The following PELO variants were observed in gnomAD, a reference collection of about 807,000 sequenced individuals.
The protein encoded by PELO is protein pelota homolog.
Under a neutral mutation model 25.9 loss-of-function variants are expected in PELO, and 19 were observed. The ratio of observed to expected loss-of-function variants is 0.73; its 90% CI spans 0.51 to 1.08. PELO has a LOEUF of 1.08. PELO is among the 50% of genes least tolerant of loss of function. The probability of loss-of-function intolerance (pLI) is 0.00; values close to 1 mark genes in which losing one functional copy is unlikely to be tolerated. For missense variants in PELO, 498 were observed against 491.4 expected (o/e 1.01, Z -0.13); for synonymous variants, 196 against 192.2 (o/e 1.02, Z -0.16).
chr5:52,788,119 G>A lies in PELO; in HGVS notation c.-806G>A. ...AGATTTCAGAGACCAAGAGCGCGAA[G>A]GGGCGGGCGATGTGGCAATCCGTCT... On this transcript the variant is annotated 5_prime_UTR_variant, in exon 1 of 3. Coordinates refer to ENST00000274311, the MANE Select transcript of PELO (RefSeq NM_015946.5). 2.3e-6 allele frequency: 1 copy of A among 430,858 alleles called. No homozygotes were observed. Among genetic ancestry groups the A allele is most frequent in the Non-Finnish European group, 4.1e-6 (1 of 242,116 alleles). 26.7% of individuals were successfully genotyped at this position (430,858 alleles called of 1,614,324 possible). A position where few individuals can be genotyped will look rare whatever the true frequency, so the allele number is the denominator to read the frequency against.
intron 1 of PELO, among the ~76,000 whole-genome samples, chr5:52,789,553 A>G (rs1377488927): frequency 6.6e-6 from 1 of 152,184 alleles, no homozygotes; most frequent in African/African-American, 2.4e-5. Context: ...AAGAGAGTTA[A>G]TAATTAGCTA....
intron 1 of PELO, among the ~76,000 whole-genome samples, chr5:52,794,223 A>C (rs1348009020): frequency 6.6e-6 from 1 of 151,942 alleles, no homozygotes; most frequent in African/African-American, 2.4e-5. Context: ...TCCTAAAATA[A>C]ATGCAAATTC....
chr5:52,789,089 G>A (rs1748187645), intron 1 of PELO, among the ~76,000 whole-genome samples: 1 of 152,174 alleles, frequency 6.6e-6, no homozygotes, highest in Non-Finnish European at 1.5e-5. Flanking sequence ...GTATTTTTAA[G>A]GAGGGGACTT....
chr5:52,803,352 T>G lies in PELO; in HGVS notation c.*1512T>G, dbSNP rs1424526269. 1 of 152,196 alleles carries G rather than the reference T, an allele frequency of 6.6e-6. No homozygotes were observed. Among genetic ancestry groups the G allele is most frequent in the Non-Finnish European group, 1.5e-5 (1 of 68,034 alleles). The allele number at this position is 152,196 out of a possible 1,614,324, so 9.4% of individuals were successfully genotyped here. ...AGTATCTTTAAATTACTATCAAATA[T>G]GTTACTAAATAATTTAATAAGAATA... is the stretch of plus-strand genomic sequence containing the variant. On this transcript the variant is annotated 3_prime_UTR_variant, in exon 3 of 3. Transcript: ENST00000274311.
rs770376356 is a variant in PELO at position 52,802,531 on chromosome 5, T to A, written c.*691T>A. On this transcript the variant is annotated 3_prime_UTR_variant, in exon 3 of 3. Coordinates refer to ENST00000274311, the MANE Select transcript of PELO (RefSeq NM_015946.5). The stretch of plus-strand genomic sequence containing the variant: ...TTTTTAGCTTTTTAGAACTTTGATC[T>A]GCTAGGGATTGTCAAAATAATCTCC... 4.6e-5 allele frequency: 7 copies of A among 152,198 alleles called. No homozygotes were observed. The highest frequency in any genetic ancestry group is 1.0e-4 in the Non-Finnish European group (7 of 68,038). The allele number at this position is 152,198 out of a possible 1,614,324, so 9.4% of individuals were successfully genotyped here. A position where few individuals can be genotyped will look rare whatever the true frequency, so the allele number is the denominator to read the frequency against.
chr5:52,800,569 A>C lies in PELO; in HGVS notation c.175A>C (p.Asn59His). 1 of 1,613,728 alleles carries C rather than the reference A, an allele frequency of 6.2e-7. No homozygotes were observed. The highest frequency in any genetic ancestry group is 8.5e-7 in the Non-Finnish European group (1 of 1,179,750). ...TESSTGSVGS[N>H]RVRTTLTLCV... is the part of the protein sequence containing the mutation. ...GTCCTCCACGGGCAGCGTGGGCAGC[A>C]ACCGGGTCCGCACTACCCTCACTCT... is the stretch of plus-strand genomic sequence containing the variant. The change falls in exon 2 of 3, where the codon AAC becomes CAC. Residue 59 changes from asparagine to histidine, a missense_variant. Transcript: ENST00000274311.
At chr5:52,789,181 G>A (rs947776678) in intron 1 of PELO, among the ~76,000 whole-genome samples, 2 of 152,036 alleles carry the variant, frequency 1.3e-5, no homozygotes, top group Non-Finnish European at 2.9e-5. Flanking sequence ...TCCCAATAAT[G>A]AACTCATGGT....
intron 1 of PELO, among the ~76,000 whole-genome samples, chr5:52,790,435 A>G (rs1305883344): frequency 6.6e-6 from 1 of 152,218 alleles, no homozygotes; most frequent in Non-Finnish European, 1.5e-5. Context: ...ACAGTTCTGT[A>G]GGTCAGAAGT....
rs944107060 is a variant in PELO, at chr5:52,801,928, A to G, written c.*88A>G. 1 of 1,030,380 alleles carries G rather than the reference A, an allele frequency of 9.7e-7. No homozygotes were observed. The allele number at this position is 1,030,380 out of a possible 1,614,324, so 63.8% of individuals were successfully genotyped here. A position where few individuals can be genotyped will look rare whatever the true frequency, so the allele number is the denominator to read the frequency against. On this transcript the variant is annotated 3_prime_UTR_variant, in exon 3 of 3. Coordinates refer to ENST00000274311, the MANE Select transcript of PELO (RefSeq NM_015946.5). ...CATCCTTGTGACAGAAAGCTGCAAG[A>G]ATGGCACTTTTTGATTCATACAGGG...
intron 1 of PELO, among the ~76,000 whole-genome samples, chr5:52,795,346 A>G (rs1160662358): frequency 4.0e-5 from 6 of 151,896 alleles, no homozygotes; most frequent in Non-Finnish European, 7.4e-5. Flanking sequence ...GTGTTGCAGG[A>G]AAGTAAGCCT....
chr5:52,790,148 T>C (rs1580017424), intron 1 of PELO, among the ~76,000 whole-genome samples: 1 of 152,194 alleles, frequency 6.6e-6, no homozygotes. Context: ...TCACCATACT[T>C]ATCCATGCAC....
intron 1 of PELO, among the ~76,000 whole-genome samples, chr5:52,794,414 C>T (rs1410178867): frequency 6.6e-6 from 1 of 151,240 alleles, no homozygotes; most frequent in African/African-American, 2.4e-5. Context: ...CTGGCCAATC[C>T]TTAAAAATAT....
At chr5:52,797,866 G>T (rs528129423) in intron 1 of PELO, among the ~76,000 whole-genome samples, 2 of 152,282 alleles carry the variant, frequency 1.3e-5, no homozygotes, top group African/African-American at 4.8e-5. Flanking sequence ...TTCAATACGT[G>T]ATAGCTCTTC....
rs1446268297 is a variant in PELO, at chr5:52,802,801, TC to T, written c.*962del. 6.6e-6 allele frequency: 1 copy of T among 152,240 alleles called. No homozygotes were observed. The highest frequency in any genetic ancestry group is 2.4e-5 in the African/African-American group (1 of 41,464). The allele number at this position is 152,240 out of a possible 1,614,324, so 9.4% of individuals were successfully genotyped here. A position where few individuals can be genotyped will look rare whatever the true frequency, so the allele number is the denominator to read the frequency against. The stretch of plus-strand genomic sequence containing the variant: ...CTATTTTAGTTGTGAAGAAGCCTGT[TC>T]TAAAGTTTAAGTCACATGACTAGTA... On this transcript the variant is annotated 3_prime_UTR_variant, in exon 3 of 3. Transcript: ENST00000274311.
In PELO at chr5:52,800,339, G is replaced by T. The variant is rs1748442247; in HGVS notation, c.-56G>T. 2.5e-6 allele frequency: 4 copies of T among 1,599,036 alleles called. No homozygotes were observed. Among genetic ancestry groups the T allele is most frequent in the Non-Finnish European group, 3.4e-6 (4 of 1,170,668 alleles). On this transcript the variant is annotated 5_prime_UTR_variant, in exon 2 of 3. Coordinates refer to ENST00000274311, the MANE Select transcript of PELO (RefSeq NM_015946.5). ...GCATTCCCATCCCCTCTCCCGGGGCGGAGGTGAGGACCTCCTTGGTTCCTT... is the reference window on the plus strand; with the variant it reads ...GCATTCCCATCCCCTCTCCCGGGGCTGAGGTGAGGACCTCCTTGGTTCCTT...
rs1368748939 is a variant in PELO, at chr5:52,800,529, C to G, written c.135C>G (p.Arg45=). 2.5e-6 allele frequency: 4 copies of G among 1,613,968 alleles called. No homozygotes were observed. Among genetic ancestry groups the G allele is most frequent in the Admixed American group, 1.7e-5 (1 of 60,004 alleles). Residue 45 remains arginine (R), a synonymous_variant, in exon 2 of 3, where the codon CGC becomes CGG. Coordinates refer to ENST00000274311, the MANE Select transcript of PELO (RefSeq NM_015946.5). ...VGDSLRASTI[R]KVQTESSTGS... Reference sequence around the variant, plus strand: ...ACAGCCTGCGCGCCTCCACCATCCGCAAGGTACAGACAGAGTCCTCCACGG... The same window carrying G: ...ACAGCCTGCGCGCCTCCACCATCCGGAAGGTACAGACAGAGTCCTCCACGG...
chr5:52,801,435 C>G lies in PELO; in HGVS notation c.753C>G (p.Tyr251Ter), dbSNP rs1374491258. The G allele has an allele frequency of 3.7e-6, 6 of 1,613,680 alleles. No individual in the cohort carries two copies. Among genetic ancestry groups the G allele is most frequent in the South Asian group, 1.1e-5 (1 of 91,072 alleles). ...LQVHASSGHK[Y>*]SLKEALCDPT... ...TACATGCCTCCTCCGGACACAAGTA[C>G]TCCCTGAAAGAGGCCCTTTGTGACC... Residue 251 changes from tyrosine (Y) to a stop codon, truncating the protein, a stop_gained, in exon 3 of 3, where the codon TAC (tyrosine) becomes TAG (stop). Transcript: ENST00000274311. LOFTEE classifies it high-confidence loss of function.
intron 1 of PELO, among the ~76,000 whole-genome samples, chr5:52,794,760 G>T (rs916069071): frequency 1.1e-4 from 16 of 151,804 alleles, no homozygotes; most frequent in African/African-American, 3.6e-4. Context: ...TGCTGGTGGA[G>T]GTCACATGGG....
rs1194734138 is a variant in PELO at position 52,803,783 on chromosome 5, A to C, written c.*1943A>C. 1 of 152,150 alleles carries C rather than the reference A, an allele frequency of 6.6e-6. No homozygotes were observed. Among genetic ancestry groups the C allele is most frequent in the Non-Finnish European group, 1.5e-5 (1 of 68,012 alleles). 9.4% of individuals were successfully genotyped at this position (152,150 alleles called of 1,614,324 possible). A position where few individuals can be genotyped will look rare whatever the true frequency, so the allele number is the denominator to read the frequency against. On this transcript the variant is annotated 3_prime_UTR_variant, in exon 3 of 3. Coordinates refer to ENST00000274311, the MANE Select transcript of PELO (RefSeq NM_015946.5). The stretch of plus-strand genomic sequence containing the variant: ...ACTAGAATTCAGGGATCTTTTGTAG[A>C]CCTACTGAGACAGGCGCTACCTGTA...
Sources: gnomAD v4.1 joint callset for allele counts (sites outside exome capture counted in the v4.1 genomes callset) on GRCh38, gnomAD v4.1.1 for gene constraint, MANE v1.5 for transcripts, NCBI Gene and HGNC (gene_info 2026-07-23, HGNC 2026-07-21) for gene names.